Variants in MAPKAP1 observed in about 807,000 individuals in gnomAD.
MAPKAP1 encodes target of rapamycin complex 2 subunit MAPKAP1.
A neutral mutation model predicts 65.7 loss-of-function variants in MAPKAP1; 20 were observed. That is an observed-to-expected ratio of 0.30 (90% CI 0.21 to 0.44). The LOEUF (loss-of-function observed/expected upper bound fraction) is 0.44. Ranked by LOEUF, MAPKAP1 falls within the 20% of genes least tolerant of loss-of-function variation. MAPKAP1 has a pLI of 1.00. For missense variants in MAPKAP1, 423 were observed against 648.0 expected (o/e 0.65, Z 3.77); for synonymous variants, 222 against 244.3 (o/e 0.91, Z 0.85).
intron 6 of MAPKAP1, among the ~76,000 whole-genome samples, chr9:125,553,183 G>A (rs1830634026): frequency 6.6e-6 from 1 of 152,112 alleles, no homozygotes; most frequent in African/African-American, 2.4e-5. Context: ...CTGAGCCACT[G>A]CCTAGAGGAG....
chr9:125,472,526 T>G (rs1853960720), intron 9 of MAPKAP1, among the ~76,000 whole-genome samples: 1 of 152,234 alleles, frequency 6.6e-6, no homozygotes, highest in Non-Finnish European at 1.5e-5. Flanking sequence ...GGCTAAAGTT[T>G]TTGCGTAAAG....
intron 4 of MAPKAP1, among the ~76,000 whole-genome samples, chr9:125,588,719 G>A (rs1187022563): frequency 6.6e-6 from 1 of 152,138 alleles, no homozygotes; most frequent in African/African-American, 2.4e-5. Context: ...AGTTAGATCT[G>A]TTTTTTAAAC....
Position 125,703,250 on chromosome 9 carries a change from A to G in MAPKAP1, c.-70+3721T>C, listed in dbSNP as rs972165094. The stretch of plus-strand genomic sequence containing the variant: ...CATCGGACTTGGAGACCACTGAGGA[A>G]GATGCTCAAACAGAACAATAATAAT... On this transcript the variant is annotated intron_variant, in intron 1 of 11. Coordinates refer to ENST00000265960, the MANE Select transcript of MAPKAP1 (RefSeq NM_001006617.3). Among the ~76,000 whole-genome samples, 11 of 152,306 alleles carry G rather than the reference A, an allele frequency of 7.2e-5. No homozygotes were observed. In the South Asian group the frequency reaches 2.1e-3, roughly 29 times the overall value.
At position 125,630,907 on chromosome 9, in the gene MAPKAP1, CA is replaced by C. The variant is rs985144986; in HGVS notation, c.498+26743del. Among the ~76,000 whole-genome samples, 25 of 151,974 alleles carry C rather than the reference CA, an allele frequency of 1.6e-4. No individual in the cohort carries two copies. The East Asian group carries it at 3.9e-3, about 23-fold the overall frequency. On this transcript the variant is annotated intron_variant, in intron 4 of 11. Coordinates refer to ENST00000265960, the MANE Select transcript of MAPKAP1 (RefSeq NM_001006617.3). ...GTTTGAGACCAGCCTGGGCAACAAACAAAGGGAGACGCCATCTCTACAAAAA... is the reference window on the plus strand; with the variant it reads ...GTTTGAGACCAGCCTGGGCAACAAACAAGGGAGACGCCATCTCTACAAAAA...
At chr9:125,444,442 C>G in intron 11 of MAPKAP1, 59 bp downstream of exon 11, 6 of 1,344,616 alleles carry the variant, frequency 4.5e-6, no homozygotes, top group Non-Finnish European at 6.3e-6. Flanking sequence ...ATGCCGCAAA[C>G]AGCCTGAAGA....
intron 6 of MAPKAP1, among the ~76,000 whole-genome samples, chr9:125,544,489 G>T (rs770535630): frequency 6.6e-6 from 1 of 152,034 alleles, no homozygotes; most frequent in African/African-American, 2.4e-5. Context: ...GAAAAAAACC[G>T]CTAAGGAACA....
chr9:125,461,884 T>G (rs1445059706), intron 10 of MAPKAP1, among the ~76,000 whole-genome samples: 2 of 152,124 alleles, frequency 1.3e-5, no homozygotes, highest in African/African-American at 2.4e-5. Flanking sequence ...TACTGGAGTA[T>G]AACTGCAGGT....
At chr9:125,661,571 G>T (rs182010062) in intron 3 of MAPKAP1, among the ~76,000 whole-genome samples, 63 of 152,264 alleles carry the variant, frequency 4.1e-4, no homozygotes, top group African/African-American at 1.2e-3. Context: ...AAAACAGTAT[G>T]TATAGTATGC....
chr9:125,634,624 C>A (rs139898633), intron 4 of MAPKAP1, among the ~76,000 whole-genome samples: 1 of 152,070 alleles, frequency 6.6e-6, no homozygotes, highest in South Asian at 2.1e-4. Flanking sequence ...CACAGCTTAA[C>A]GAACCCATTT....
At chr9:125,651,309 T>C (rs1243734081) in intron 4 of MAPKAP1, among the ~76,000 whole-genome samples, 1 of 152,138 alleles carries the variant, frequency 6.6e-6, no homozygotes, top group East Asian at 1.9e-4. Context: ...GACTTTTCTT[T>C]TAAAAAGTAT....
intron 4 of MAPKAP1, among the ~76,000 whole-genome samples, chr9:125,656,159 A>C (rs1384099764): frequency 6.6e-6 from 1 of 152,248 alleles, no homozygotes; most frequent in African/African-American, 2.4e-5. Context: ...CAATGGAAGC[A>C]AATAAATTCC....
chr9:125,491,958 AAGCGGGAGCACTGTTTG>A (rs72119782), intron 8 of MAPKAP1, among the ~76,000 whole-genome samples: 65,490 of 150,362 alleles, frequency 0.44, 14,656 homozygotes, highest in African/African-American at 0.51. Flanking sequence ...TGGGAAGCCA[AAGCGGGAGCACTGTTTG>A]AGGCCAGGAG....
chr9:125,544,998 T>C (rs941903057), intron 6 of MAPKAP1, among the ~76,000 whole-genome samples: 4 of 152,182 alleles, frequency 2.6e-5, no homozygotes, highest in African/African-American at 9.7e-5. Context: ...TCCTTGACAT[T>C]CCATTTGTTA....
At chr9:125,481,896 C>T (rs922565833) in intron 9 of MAPKAP1, among the ~76,000 whole-genome samples, 1 of 151,320 alleles carries the variant, frequency 6.6e-6, no homozygotes, top group Non-Finnish European at 1.5e-5. Context: ...TTTGGGAGGC[C>T]GAGGTGGGTG....
intron 4 of MAPKAP1, among the ~76,000 whole-genome samples, chr9:125,638,912 C>CTCCATG (rs1833499308): frequency 6.6e-6 from 1 of 152,230 alleles, no homozygotes. Flanking sequence ...AAAAATCTGG[C>CTCCATG]TGAGAATTAA....
At chr9:125,698,286 T>TAAAATATATATATATATA (rs1286147958) in intron 1 of MAPKAP1, among the ~76,000 whole-genome samples, 3 of 25,834 alleles carry the variant, frequency 1.2e-4, no homozygotes, top group African/African-American at 3.6e-4. Flanking sequence ...ATAATATATA[T>TAAAATATATATATATATA]AAATATATAT....
chr9:125,647,749 A>G (rs1215974431), intron 4 of MAPKAP1, among the ~76,000 whole-genome samples: 1 of 152,200 alleles, frequency 6.6e-6, no homozygotes, highest in East Asian at 1.9e-4. Flanking sequence ...CAGAGCTGGT[A>G]TGCAATAAAT....
At chr9:125,483,135 C>CG (rs1377362354) in intron 9 of MAPKAP1, among the ~76,000 whole-genome samples, 1 of 152,118 alleles carries the variant, frequency 6.6e-6, no homozygotes, top group East Asian at 1.9e-4. Context: ...CTGCAGGCCC[C>CG]GTACTCAGTG....
At chr9:125,692,528 ATTTC>A (rs1835201340) in intron 1 of MAPKAP1, among the ~76,000 whole-genome samples, 1 of 152,180 alleles carries the variant, frequency 6.6e-6, no homozygotes, top group African/African-American at 2.4e-5. Flanking sequence ...TGAATATGAG[ATTTC>A]TTTCTGAGGT....
Sources: gnomAD v4.1 joint callset for allele counts (sites outside exome capture counted in the v4.1 genomes callset) on GRCh38, gnomAD v4.1.1 for gene constraint, MANE v1.5 for transcripts, NCBI Gene and HGNC (gene_info 2026-07-23, HGNC 2026-07-21) for gene names.